Variants in GPR65 observed in about 807,000 individuals in gnomAD.
GPR65 encodes the protein T-cell death-associated gene 8 protein.
Under a neutral mutation model 0.7 loss-of-function variants are expected in GPR65, and 2 were observed. The ratio of observed to expected loss-of-function variants is 2.83; its 90% CI spans 1.16 to 8.92. The LOEUF is 8.92. Ranked by LOEUF, GPR65 falls within the 30% of genes most tolerant of loss-of-function variation. The pLI, the probability that GPR65 is intolerant of heterozygous loss-of-function variation, is 0.04. For synonymous variants in GPR65, 128 were observed against 146.5 expected (o/e 0.87, Z 0.91); for missense variants, 379 against 399.4 (o/e 0.95, Z 0.43).
chr14:88,012,670 C>A lies in GPR65; in HGVS notation c.*809C>A, dbSNP rs959539667. 1 of 152,184 alleles carries A rather than the reference C, an allele frequency of 6.6e-6. No homozygotes were observed. 9.4% of individuals were successfully genotyped at this position (152,184 alleles called of 1,614,324 possible). On this transcript the variant is annotated 3_prime_UTR_variant, in exon 2 of 2. Transcript: ENST00000267549. ...CCATGTGTAGAATGTATCAGCACTTCATTTCTTTTTATGGCCTGATAGTAT... is the reference window on the plus strand; with the variant it reads ...CCATGTGTAGAATGTATCAGCACTTAATTTCTTTTTATGGCCTGATAGTAT...
Position 88,014,372 on chromosome 14 carries a change from TCTA to T in GPR65, c.*2515_*2517del, listed in dbSNP as rs1887733785. On this transcript the variant is annotated 3_prime_UTR_variant, in exon 2 of 2. Transcript: ENST00000267549. ...AAGCTATATGCAGTTTGCATTTTTG[TCTA>T]CTATTATGAAATTATTATCTATGAA... is the stretch of plus-strand genomic sequence containing the variant. 2 of 152,224 alleles carry T rather than the reference TCTA, an allele frequency of 1.3e-5. No individual in the cohort carries two copies. The highest frequency in any genetic ancestry group is 2.1e-4 in the South Asian group (1 of 4,838). 9.4% of individuals were successfully genotyped at this position (152,224 alleles called of 1,614,324 possible). A position where few individuals can be genotyped will look rare whatever the true frequency, so the allele number is the denominator to read the frequency against.
Position 88,012,700 on chromosome 14 carries a change from T to C in GPR65, c.*839T>C, listed in dbSNP as rs1449091503. Reference sequence around the variant, plus strand: ...CTTTTTATGGCCTGATAGTATTCTGTTGCATGGTTATACTCCATTTTGTTT... The same window carrying C: ...CTTTTTATGGCCTGATAGTATTCTGCTGCATGGTTATACTCCATTTTGTTT... On this transcript the variant is annotated 3_prime_UTR_variant, in exon 2 of 2. Transcript: ENST00000267549. The C allele has an allele frequency of 6.6e-6, 1 of 152,242 alleles. No individual in the cohort carries two copies. The highest frequency in any genetic ancestry group is 1.5e-5 in the Non-Finnish European group (1 of 68,040). 9.4% of individuals were successfully genotyped at this position (152,242 alleles called of 1,614,324 possible).
intron 1 of GPR65, among the ~76,000 whole-genome samples, chr14:88,006,913 T>A (rs1320225672): frequency 6.6e-6 from 1 of 152,216 alleles, no homozygotes; most frequent in Non-Finnish European, 1.5e-5. Context: ...TGGATGTAAA[T>A]GTTCTGAGTG....
Position 88,011,339 on chromosome 14 carries a change from G to C in GPR65, c.492G>C (p.Lys164Asn). 1.9e-6 allele frequency: 3 copies of C among 1,614,064 alleles called. No homozygotes were observed. Among genetic ancestry groups the C allele is most frequent in the Non-Finnish European group, 2.5e-6 (3 of 1,179,988 alleles). ...ETVVEYCDAE[K>N]SNFTLCYDKY... is the part of the protein sequence containing the mutation. ...TTGTTGAATATTGCGATGCCGAAAA[G>C]TCTAATTTTACTTTATGCTATGACA... The change falls in exon 2 of 2, where the codon AAG becomes AAC. Residue 164 changes from lysine to asparagine, a missense_variant. Coordinates refer to ENST00000267549, the MANE Select transcript of GPR65 (RefSeq NM_003608.4).
chr14:88,011,719 G>C lies in GPR65; in HGVS notation c.872G>C (p.Cys291Ser). 6.2e-7 allele frequency: 1 copy of C among 1,613,868 alleles called. No individual in the cohort carries two copies. ...LNCVADPILYCFVTETGRYDM... is the reference protein window; with the variant it reads ...LNCVADPILYSFVTETGRYDM... The stretch of plus-strand genomic sequence containing the variant: ...TGTGTTGCTGATCCAATTCTGTACT[G>C]TTTTGTAACCGAAACAGGAAGATAT... The change falls in exon 2 of 2, where the codon TGT (cysteine) becomes TCT (serine). Residue 291 changes from cysteine (C) to serine (S), a missense_variant. Physicochemically the swap from Cys to Ser is moderately radical, Grantham distance 112. Transcript: ENST00000267549.
In GPR65 at chr14:88,011,213, T is replaced by A; in HGVS notation, c.366T>A (p.Phe122Leu). The change falls in exon 2 of 2, where the codon TTT becomes TTA. Residue 122 changes from phenylalanine to leucine, a missense_variant. Coordinates refer to ENST00000267549, the MANE Select transcript of GPR65 (RefSeq NM_003608.4). Reference sequence around the variant, plus strand: ...TGGCTGTTGTCTACCCTTTGAAGTTTTTTTTCCTAAGGACAAGAAGATTTG... The same window carrying A: ...TGGCTGTTGTCTACCCTTTGAAGTTATTTTTCCTAAGGACAAGAAGATTTG... The part of the protein sequence containing the change: ...RYLAVVYPLK[F>L]FFLRTRRFAL... 2 of 1,613,918 alleles carry A rather than the reference T, an allele frequency of 1.2e-6. No individual in the cohort carries two copies. Among genetic ancestry groups the A allele is most frequent in the Non-Finnish European group, 1.7e-6 (2 of 1,179,994 alleles).
chr14:88,007,792 ATGTG>A (rs3994051), intron 1 of GPR65, among the ~76,000 whole-genome samples: 50 of 136,246 alleles, frequency 3.7e-4, no homozygotes, highest in Middle Eastern at 3.7e-3. Context: ...CTCTGTGTGT[ATGTG>A]TGTGTGTGTG....
intron 1 of GPR65, among the ~76,000 whole-genome samples, chr14:88,010,185 T>C (rs1337422998): frequency 6.6e-6 from 1 of 152,218 alleles, no homozygotes; most frequent in East Asian, 1.9e-4. Flanking sequence ...TAGTTCTTAT[T>C]TGATATAAGT....
At chr14:88,008,661 T>TA (rs1413448779) in intron 1 of GPR65, among the ~76,000 whole-genome samples, 8 of 152,222 alleles carry the variant, frequency 5.3e-5, no homozygotes, top group Admixed American at 5.2e-4. Flanking sequence ...GTTGAACAAA[T>TA]ACCTAGAGGT....
In GPR65 at chr14:88,011,048, C is replaced by G; in HGVS notation, c.201C>G (p.Leu67=). 6.2e-7 allele frequency: 1 copy of G among 1,611,018 alleles called. No individual in the cohort carries two copies. Among genetic ancestry groups the G allele is most frequent in the Non-Finnish European group, 8.5e-7 (1 of 1,177,220 alleles). Residue 67 remains leucine, a synonymous_variant, in exon 2 of 2, where the codon CTC becomes CTG. Coordinates refer to ENST00000267549, the MANE Select transcript of GPR65 (RefSeq NM_003608.4). ...SLSDLLYALT[L]PLWIDYTWNK... is the part of the protein sequence containing the mutation. ...CAGATTTACTCTATGCATTAACTCT[C>G]CCTTTATGGATTGATTATACCTGGA...
At chr14:88,008,294 A>T (rs890588926) in intron 1 of GPR65, among the ~76,000 whole-genome samples, 2 of 152,146 alleles carry the variant, frequency 1.3e-5, no homozygotes, top group African/African-American at 4.8e-5. Flanking sequence ...CAAATCTCAG[A>T]AGTCCTCCTC....
At position 88,013,928 on chromosome 14, in the gene GPR65, CACTAGGTG is replaced by C. The variant is rs1301369766; in HGVS notation, c.*2070_*2077del. 2.0e-5 allele frequency: 3 copies of C among 152,146 alleles called. No individual in the cohort carries two copies. Among genetic ancestry groups the C allele is most frequent in the African/African-American group, 7.3e-5 (3 of 41,374 alleles). The allele number at this position is 152,146 out of a possible 1,614,324, so 9.4% of individuals were successfully genotyped here. A position where few individuals can be genotyped will look rare whatever the true frequency, so the allele number is the denominator to read the frequency against. On this transcript the variant is annotated 3_prime_UTR_variant, in exon 2 of 2. Coordinates refer to ENST00000267549, the MANE Select transcript of GPR65 (RefSeq NM_003608.4). ...GCCATGCAGGAGTTTTGTTTGTGGC[CACTAGGTG>C]ACGATCGTGTTCTGTACGGGACCTC...
In GPR65 at chr14:88,010,967, C is replaced by T. The variant is rs1195652408; in HGVS notation, c.120C>T (p.Phe40=). 2 of 1,612,870 alleles carry T rather than the reference C, an allele frequency of 1.2e-6. No homozygotes were observed. The highest frequency in any genetic ancestry group is 1.1e-5 in the South Asian group (1 of 91,058). ...PANIGSLCVS[F]LQAKKESELG... ...ATATTGGATCTCTGTGTGTGTCTTTCCTGCAAGCAAAGAAGGAAAGTGAAC... is the reference window on the plus strand; with the variant it reads ...ATATTGGATCTCTGTGTGTGTCTTTTCTGCAAGCAAAGAAGGAAAGTGAAC... Residue 40 remains phenylalanine, a synonymous_variant, in exon 2 of 2, where the codon TTC becomes TTT. Transcript: ENST00000267549.
chr14:88,011,816 T>C lies in GPR65; in HGVS notation c.969T>C (p.Leu323=). The change falls in exon 2 of 2, where the codon CTT becomes CTC. Residue 323 remains leucine (L), a synonymous_variant. Coordinates refer to ENST00000267549, the MANE Select transcript of GPR65 (RefSeq NM_003608.4). The stretch of plus-strand genomic sequence containing the variant: ...CACAAAGACAAAGAAAACGCATACT[T>C]TCTGTGTCTACAAAAGATACTATGG... ...NTSQRQRKRI[L]SVSTKDTMEL... 6.3e-7 allele frequency: 1 copy of C among 1,594,384 alleles called. No homozygotes were observed. The highest frequency in any genetic ancestry group is 8.6e-7 in the Non-Finnish European group (1 of 1,168,554).
rs1887717327 is a variant in GPR65 at position 88,013,297 on chromosome 14, C to T, written c.*1436C>T. Reference sequence around the variant, plus strand: ...AACTCCTGACCTCAAGTGATCATCCCACCTAGGTCTCCCAAAGTGCTGAGA... The same window carrying T: ...AACTCCTGACCTCAAGTGATCATCCTACCTAGGTCTCCCAAAGTGCTGAGA... On this transcript the variant is annotated 3_prime_UTR_variant, in exon 2 of 2. Coordinates refer to ENST00000267549, the MANE Select transcript of GPR65 (RefSeq NM_003608.4). The T allele has an allele frequency of 6.6e-6, 1 of 152,084 alleles. No individual in the cohort carries two copies. Among genetic ancestry groups the T allele is most frequent in the Non-Finnish European group, 1.5e-5 (1 of 68,058 alleles). The allele number at this position is 152,084 out of a possible 1,614,324, so 9.4% of individuals were successfully genotyped here. A position where few individuals can be genotyped will look rare whatever the true frequency, so the allele number is the denominator to read the frequency against.
At chr14:88,008,147 C>G (rs1192180189) in intron 1 of GPR65, among the ~76,000 whole-genome samples, 1 of 152,096 alleles carries the variant, frequency 6.6e-6, no homozygotes, top group Non-Finnish European at 1.5e-5. Flanking sequence ...CCTTTTGATT[C>G]CACTTTTTAA....
In GPR65 at chr14:88,011,334, G is replaced by A. The variant is rs181129859; in HGVS notation, c.487G>A (p.Glu163Lys). 2.0e-4 allele frequency: 330 copies of A among 1,613,922 alleles called. 1 individual carries two copies. Among genetic ancestry groups the A allele is most frequent in the Middle Eastern group, 6.6e-4 (4 of 6,062 alleles). Residue 163 changes from glutamate to lysine, a missense_variant, in exon 2 of 2, where the codon GAA becomes AAA. Coordinates refer to ENST00000267549, the MANE Select transcript of GPR65 (RefSeq NM_003608.4). ...AACAGTTGTTGAATATTGCGATGCC[G>A]AAAAGTCTAATTTTACTTTATGCTA... ...DETVVEYCDAEKSNFTLCYDK... is the reference protein window; with the variant it reads ...DETVVEYCDAKKSNFTLCYDK...
chr14:88,013,727 C>A lies in GPR65; in HGVS notation c.*1866C>A. The stretch of plus-strand genomic sequence containing the variant: ...ACTAAAAATTCAAAAATGTGCCAGA[C>A]CTGGCCTGGTGGCATGTGCCTGTAA... On this transcript the variant is annotated 3_prime_UTR_variant, in exon 2 of 2. Transcript: ENST00000267549. 6.6e-6 allele frequency: 1 copy of A among 152,202 alleles called. No homozygotes were observed. Among genetic ancestry groups the A allele is most frequent in the East Asian group, 1.9e-4 (1 of 5,178 alleles). The allele number at this position is 152,202 out of a possible 1,614,324, so 9.4% of individuals were successfully genotyped here.
chr14:88,010,607 C>G lies in GPR65; in HGVS notation c.-241C>G, dbSNP rs1390429428. The G allele has an allele frequency of 2.2e-6, 1 of 458,400 alleles. No individual in the cohort carries two copies. The highest frequency in any genetic ancestry group is 3.9e-6 in the Non-Finnish European group (1 of 256,240). The allele number at this position is 458,400 out of a possible 1,614,324, so 28.4% of individuals were successfully genotyped here. A position where few individuals can be genotyped will look rare whatever the true frequency, so the allele number is the denominator to read the frequency against. On this transcript the variant is annotated 5_prime_UTR_variant, in exon 2 of 2. Coordinates refer to ENST00000267549, the MANE Select transcript of GPR65 (RefSeq NM_003608.4). ...TCTGTTTATTAAATTCAGTTGACCC[C>G]TTTAGCCAATTGCCAGGAGCCTGGA...
Sources: gnomAD v4.1 joint callset for allele counts (sites outside exome capture counted in the v4.1 genomes callset) on GRCh38, gnomAD v4.1.1 for gene constraint, MANE v1.5 for transcripts, NCBI Gene and HGNC (gene_info 2026-07-23, HGNC 2026-07-21) for gene names.